Variants in CNOT4 observed in about 807,000 individuals in gnomAD.
CNOT4 encodes CCR4-NOT transcription complex subunit 4, also known as CCR4-associated factor 4.
In CNOT4, 8 loss-of-function variants were observed where a neutral mutation model predicts 73.8. That is an observed-to-expected ratio of 0.11 (90% CI 0.06 to 0.20). The LOEUF (loss-of-function observed/expected upper bound fraction) is 0.20. Among genes scored for constraint, CNOT4 ranks in the 10% least tolerant of loss-of-function variants. The pLI is 1.00. For synonymous variants in CNOT4, 293 were observed against 321.1 expected (o/e 0.91, Z 0.94); for missense variants, 564 against 883.4 (o/e 0.64, Z 4.58).
chr7:135,407,033 T>G (rs1402409518), intron 7 of CNOT4, among the ~76,000 whole-genome samples: 1 of 152,218 alleles, frequency 6.6e-6, no homozygotes, highest in Non-Finnish European at 1.5e-5. Flanking sequence ...ATGAATGGCT[T>G]GGGCCATCCC....
chr7:135,492,199 T>A (rs910516661), intron 1 of CNOT4, among the ~76,000 whole-genome samples: 2 of 151,916 alleles, frequency 1.3e-5, no homozygotes, highest in Admixed American at 6.6e-5. Flanking sequence ...GAAAATAGAG[T>A]ACAATTGCCA....
intron 10 of CNOT4, among the ~76,000 whole-genome samples, chr7:135,378,871 G>C (rs576003321): frequency 6.6e-6 from 1 of 152,006 alleles, no homozygotes; most frequent in South Asian, 2.1e-4. Context: ...TGTAGCCCCA[G>C]CTACTTGGAG....
chr7:135,372,179 T>A (rs1795244037), intron 10 of CNOT4, among the ~76,000 whole-genome samples: 1 of 152,208 alleles, frequency 6.6e-6, no homozygotes, highest in Non-Finnish European at 1.5e-5. Context: ...TTGCTGACGA[T>A]CTCTCTTTTC....
At chr7:135,388,678 T>C in intron 10 of CNOT4, 1 of 1,380,986 alleles carries the variant, frequency 7.2e-7, no homozygotes, top group Non-Finnish European at 9.5e-7. Flanking sequence ...TGAGGAACGT[T>C]TATATTGGCT....
At chr7:135,455,751 G>A (rs114846131) in intron 1 of CNOT4, among the ~76,000 whole-genome samples, 3,040 of 152,196 alleles carry the variant, frequency 0.02, 108 homozygotes, top group African/African-American at 0.07. Context: ...GTGCATGCCT[G>A]TAGTCCCAAT....
intron 3 of CNOT4, among the ~76,000 whole-genome samples, chr7:135,418,616 G>C (rs1209626513): frequency 6.6e-6 from 1 of 152,156 alleles, no homozygotes; most frequent in African/African-American, 2.4e-5. Flanking sequence ...AATAGGAACT[G>C]TAAGACCACG....
chr7:135,500,560 A>G (rs977777507), intron 1 of CNOT4, among the ~76,000 whole-genome samples: 2 of 152,308 alleles, frequency 1.3e-5, no homozygotes, highest in African/African-American at 4.8e-5. Flanking sequence ...GTTTTTTAAT[A>G]TTACCTGTGC....
chr7:135,380,294 AC>A (rs1171928965), intron 10 of CNOT4, among the ~76,000 whole-genome samples: 1 of 152,182 alleles, frequency 6.6e-6, no homozygotes, highest in Non-Finnish European at 1.5e-5. Flanking sequence ...TAGAGATGTC[AC>A]CAGTCTAGTG....
chr7:135,365,073 AAGG>A (rs1190010075), intron 10 of CNOT4, among the ~76,000 whole-genome samples: 2 of 152,242 alleles, frequency 1.3e-5, no homozygotes, highest in African/African-American at 2.4e-5. Flanking sequence ...CAACGCTGAG[AAGG>A]AGGAGGAGGA....
In CNOT4 at chr7:135,423,598, C is replaced by T. The variant is rs115781368; in HGVS notation, c.175-1245G>A. On this transcript the variant is annotated intron_variant, in intron 2 of 11. Transcript: ENST00000541284. ...TATATACCCTGAGGTCTCCAAGAAC[C>T]CTATTCTTTCCCTTTTATTCCCACT... is the stretch of plus-strand genomic sequence containing the variant. 9.7e-4 allele frequency among the ~76,000 whole-genome samples: 148 copies of T among 152,176 alleles called. 1 individual carries two copies. The highest frequency in any genetic ancestry group is 3.4e-3 in the African/African-American group (141 of 41,502).
chr7:135,382,680 G>A (rs1328269989), intron 10 of CNOT4, among the ~76,000 whole-genome samples: 1 of 151,808 alleles, frequency 6.6e-6, no homozygotes, highest in Non-Finnish European at 1.5e-5. Flanking sequence ...AAAAAATTGT[G>A]TAATTTATTA....
At chr7:135,406,607 G>A (rs1466949529) in intron 7 of CNOT4, among the ~76,000 whole-genome samples, 2 of 152,144 alleles carry the variant, frequency 1.3e-5, no homozygotes, top group Non-Finnish European at 2.9e-5. Context: ...GCTGCAGTGA[G>A]CTACGATTAC....
intron 1 of CNOT4, among the ~76,000 whole-genome samples, chr7:135,441,286 G>A (rs1799465921): frequency 6.6e-6 from 1 of 151,538 alleles, no homozygotes; most frequent in Non-Finnish European, 1.5e-5. Context: ...AAAAAAAGAG[G>A]AAAATTGTTT....
intron 1 of CNOT4, among the ~76,000 whole-genome samples, chr7:135,478,007 T>C (rs1331773255): frequency 6.6e-6 from 1 of 152,180 alleles, no homozygotes; most frequent in African/African-American, 2.4e-5. Flanking sequence ...TATGTATTTA[T>C]TAAAATCAAA....
intron 1 of CNOT4, among the ~76,000 whole-genome samples, chr7:135,492,725 AG>A (rs1385391471): frequency 6.6e-6 from 1 of 152,214 alleles, no homozygotes; most frequent in Non-Finnish European, 1.5e-5. Context: ...TGGGGCCAGG[AG>A]TTTCAGACCA....
At chr7:135,497,451 T>C (rs560359028) in intron 1 of CNOT4, among the ~76,000 whole-genome samples, 2 of 152,214 alleles carry the variant, frequency 1.3e-5, no homozygotes. Flanking sequence ...TTAAGGTTCA[T>C]TCATCCAATT....
At chr7:135,388,512 T>C in intron 10 of CNOT4, 1 of 1,026,246 alleles carries the variant, frequency 9.7e-7, no homozygotes, top group Non-Finnish European at 1.2e-6. Flanking sequence ...CTAGCTAATC[T>C]CACCTGGGAT....
chr7:135,424,141 A>G (rs1219563000), intron 2 of CNOT4, among the ~76,000 whole-genome samples: 1 of 151,734 alleles, frequency 6.6e-6, no homozygotes, highest in African/African-American at 2.4e-5. Context: ...TAAGGAACCA[A>G]ACAGTTAAAG....
rs1804649442 is a variant in CNOT4, at chr7:135,510,008, G to C, written c.-212C>G. 2.5e-6 allele frequency: 1 copy of C among 399,026 alleles called. No homozygotes were observed. The highest frequency in any genetic ancestry group is 2.1e-5 in the African/African-American group (1 of 48,628). 24.7% of individuals were successfully genotyped at this position (399,026 alleles called of 1,614,324 possible). A position where few individuals can be genotyped will look rare whatever the true frequency, so the allele number is the denominator to read the frequency against. On this transcript the variant is annotated 5_prime_UTR_variant, in exon 1 of 12. Coordinates refer to ENST00000541284, the MANE Select transcript of CNOT4 (RefSeq NM_001190850.2). ...CAGAACCGGGCCTGATTGCTTCAGCGAGTCCGACCTTTACGGCTGAGAGAG... is the reference window on the plus strand; with the variant it reads ...CAGAACCGGGCCTGATTGCTTCAGCCAGTCCGACCTTTACGGCTGAGAGAG...
Sources: gnomAD v4.1 joint callset for allele counts (sites outside exome capture counted in the v4.1 genomes callset) on GRCh38, gnomAD v4.1.1 for gene constraint, MANE v1.5 for transcripts, NCBI Gene and HGNC (gene_info 2026-07-23, HGNC 2026-07-21) for gene names.